The following SUPT20H variants were observed in gnomAD, a reference collection of about 807,000 sequenced individuals.
The protein encoded by SUPT20H is SPT20 homolog, SAGA complex component.
A neutral mutation model predicts 122.8 loss-of-function variants in SUPT20H; 82 were observed. The observed-to-expected ratio is 0.67, with a 90% CI of 0.56 to 0.80. The LOEUF (loss-of-function observed/expected upper bound fraction) is 0.80. SUPT20H is among the 30% of genes least tolerant of loss of function. The probability of loss-of-function intolerance (pLI) is 0.00; values close to 1 mark genes in which losing one functional copy is unlikely to be tolerated. For missense variants in SUPT20H, 831 were observed against 921.6 expected (o/e 0.90, Z 1.27); for synonymous variants, 291 against 313.0 (o/e 0.93, Z 0.74).
chr13:37,052,200 C>T (rs1019459760), intron 1 of SUPT20H, among the ~76,000 whole-genome samples: 1 of 152,034 alleles, frequency 6.6e-6, no homozygotes, highest in Non-Finnish European at 1.5e-5. Flanking sequence ...TCATGTGGAA[C>T]CAAAAAAGAG....
At chr13:37,021,143 CT>C (rs2061409512) in intron 21 of SUPT20H, among the ~76,000 whole-genome samples, 1 of 152,164 alleles carries the variant, frequency 6.6e-6, no homozygotes, top group African/African-American at 2.4e-5. Flanking sequence ...TCAAAATACA[CT>C]TATTTTCCCT....
chr13:37,028,149 G>A lies in SUPT20H; in HGVS notation c.1150C>T (p.His384Tyr), dbSNP rs764131619. ...TTACTTGTATTTAACAGAACTCACT[G>A]TGATGGAGACATCTGGCTGTCACTT... ...EESDSQMSPSHSSTDDHSNWF... is the reference protein window; with the variant it reads ...EESDSQMSPSYSSTDDHSNWF... Residue 384 changes from histidine (H) to tyrosine (Y), a missense_variant and splice_region_variant, in exon 14 of 26, where the codon CAC (histidine) becomes TAC (tyrosine). Transcript: ENST00000350612. 6.3e-7 allele frequency: 1 copy of A among 1,598,400 alleles called. No homozygotes were observed. The highest frequency in any genetic ancestry group is 1.4e-5 in the African/African-American group (1 of 73,678).
At chr13:37,057,397 C>A (rs1298589904) in intron 1 of SUPT20H, among the ~76,000 whole-genome samples, 1 of 151,950 alleles carries the variant, frequency 6.6e-6, no homozygotes, top group Non-Finnish European at 1.5e-5. Flanking sequence ...TTCATGTAAC[C>A]ACTACTGGGT....
chr13:37,054,545 G>A lies in SUPT20H; in HGVS notation c.-93-2962C>T, dbSNP rs142993142. Reference sequence around the variant, plus strand: ...CGATTATCTCAATAGATGCAGAAAAGGCCTTTGACGAAATTCAACAACGCT... The same window carrying A: ...CGATTATCTCAATAGATGCAGAAAAAGCCTTTGACGAAATTCAACAACGCT... On this transcript the variant is annotated intron_variant, in intron 1 of 25. Coordinates refer to ENST00000350612, the MANE Select transcript of SUPT20H (RefSeq NM_001014286.3). Among the ~76,000 whole-genome samples the A allele has an allele frequency of 4.0e-3, 603 of 152,256 alleles. 3 individuals carry two copies. The highest frequency in any genetic ancestry group is 0.014 in the African/African-American group (575 of 41,538).
rs752605988 is a variant in SUPT20H, at chr13:37,017,297, G to C, written c.1940C>G (p.Pro647Arg). ...AGTTGTGGGCTGCTGAGGTTGTTGT[G>C]GTGTAAACTGGGAGAGCTGCTGTTG... is the stretch of plus-strand genomic sequence containing the variant. ...QQQQQLSQFT[P>R]QQPQQPTTCS... The change falls in exon 23 of 26, where the codon CCA (proline) becomes CGA (arginine). Residue 647 changes from proline (P) to arginine (R), a missense_variant. Coordinates refer to ENST00000350612, the MANE Select transcript of SUPT20H (RefSeq NM_001014286.3). 5.6e-6 allele frequency: 9 copies of C among 1,613,936 alleles called. No homozygotes were observed. In the East Asian group the frequency reaches 1.8e-4, roughly 32 times the overall value.
intron 21 of SUPT20H, 86 bp from the exon 22 acceptor site, chr13:37,019,483 T>G: frequency 2.3e-6 from 2 of 866,418 alleles, no homozygotes. Context: ...ATAAGTACAA[T>G]AATTTTATGT....
Position 37,012,188 on chromosome 13 carries a change from C to A in SUPT20H, c.2098+4G>T. The A allele has an allele frequency of 6.2e-7, 1 of 1,608,586 alleles. No individual in the cohort carries two copies. Among genetic ancestry groups the A allele is most frequent in the Non-Finnish European group, 8.5e-7 (1 of 1,175,650 alleles). On this transcript the variant is annotated splice_donor_region_variant and intron_variant, in intron 24 of 25. Transcript: ENST00000350612. ...TCAGCATATAAAGTTATGAAGATAC[C>A]TACCAGCTGCCTGTGACTGCATAAA...
At chr13:37,031,644 T>C (rs1026814688) in intron 11 of SUPT20H, 21 bp from the exon 12 acceptor site, 7 of 1,552,940 alleles carry the variant, frequency 4.5e-6, no homozygotes, top group South Asian at 1.3e-5. Flanking sequence ...AAAAACAATA[T>C]ACTGAAAAAT....
rs2139662027 is a variant in SUPT20H at position 37,025,236 on chromosome 13, C to T, written c.1329+84G>A. On this transcript the variant is annotated intron_variant, in intron 17 of 25. Transcript: ENST00000350612. ...GGATTACAGGCATGAGCCACTGTGCCTAGCCTCCAAAAATGATTCTTAACA... is the reference window on the plus strand; with the variant it reads ...GGATTACAGGCATGAGCCACTGTGCTTAGCCTCCAAAAATGATTCTTAACA... 2.5e-6 allele frequency: 3 copies of T among 1,214,590 alleles called. 1 individual carries two copies. The African/African-American group carries it at 4.5e-5, about 18-fold the overall frequency. The allele number at this position is 1,214,590 out of a possible 1,614,324, so 75.2% of individuals were successfully genotyped here. A position where few individuals can be genotyped will look rare whatever the true frequency, so the allele number is the denominator to read the frequency against.
rs1415704007 is a variant in SUPT20H at position 37,028,134 on chromosome 13, T to C, written c.1151+14A>G. On this transcript the variant is annotated intron_variant, in intron 14 of 25. Coordinates refer to ENST00000350612, the MANE Select transcript of SUPT20H (RefSeq NM_001014286.3). ...TTTTTTTTTTTCCAGTTACTTGTAT[T>C]TAACAGAACTCACTGTGATGGAGAC... The C allele has an allele frequency of 1.3e-6, 2 of 1,558,394 alleles. No homozygotes were observed. The highest frequency in any genetic ancestry group is 2.8e-5 in the African/African-American group (2 of 71,564).
At chr13:37,048,629 T>C in intron 2 of SUPT20H, 30 bp from the exon 3 acceptor site, 1 of 1,572,556 alleles carries the variant, frequency 6.4e-7, no homozygotes, top group Non-Finnish European at 8.6e-7. Flanking sequence ...TATTTGGTAA[T>C]ATTAGTTATT....
chr13:37,051,022 G>A (rs1363699295), intron 2 of SUPT20H, among the ~76,000 whole-genome samples: 2 of 152,142 alleles, frequency 1.3e-5, no homozygotes, highest in Non-Finnish European at 2.9e-5. Flanking sequence ...TATGTTTAGT[G>A]ACTGTAAGTC....
At chr13:37,038,635 T>C (rs1379286023) in intron 9 of SUPT20H, 2 of 152,370 alleles carry the variant, frequency 1.3e-5, no homozygotes, top group African/African-American at 4.8e-5. Flanking sequence ...TTAGTAATTA[T>C]TCCTCACTAT....
intron 9 of SUPT20H, among the ~76,000 whole-genome samples, chr13:37,035,222 G>A (rs1477494970): frequency 1.3e-5 from 2 of 152,118 alleles, no homozygotes; most frequent in African/African-American, 4.8e-5. Context: ...GATGGATCTG[G>A]GCAAAGTAAA....
rs115221322 is a variant in SUPT20H at position 37,022,900 on chromosome 13, T to C, written c.1592-820A>G. The C allele has an allele frequency of 7.6e-4, 852 of 1,126,292 alleles. 3 individuals carry two copies. The African/African-American group carries it at 8.5e-3, about 11-fold the overall frequency. The allele number at this position is 1,126,292 out of a possible 1,614,324, so 69.8% of individuals were successfully genotyped here. On this transcript the variant is annotated intron_variant, in intron 19 of 25. Coordinates refer to ENST00000350612, the MANE Select transcript of SUPT20H (RefSeq NM_001014286.3). This position sits in a 1 kb window ranked among gnomAD's most constrained non-coding sequence, Gnocchi z 4.5. ...ATCTTTAACAGTAACTGTGTACTTC[T>C]GTTTAAATGTAGAATGTATAGAAAA...
intron 9 of SUPT20H, chr13:37,039,254 G>C (rs775204878): frequency 1.3e-5 from 2 of 152,098 alleles, no homozygotes; most frequent in African/African-American, 2.4e-5. Flanking sequence ...ACTGCATCCC[G>C]ATCAGCTGCA....
intron 1 of SUPT20H, among the ~76,000 whole-genome samples, chr13:37,053,280 C>T (rs147858867): frequency 6.6e-6 from 1 of 152,216 alleles, no homozygotes; most frequent in African/African-American, 2.4e-5. Flanking sequence ...ACCCAAATGC[C>T]CACCAATGAT....
chr13:37,052,326 C>T (rs1594559330), intron 1 of SUPT20H, among the ~76,000 whole-genome samples: 1 of 152,138 alleles, frequency 6.6e-6, no homozygotes, highest in Non-Finnish European at 1.5e-5. Context: ...GGTACCAAAA[C>T]AGATATACAG....
chr13:37,025,008 C>G, intron 17 of SUPT20H: 2 of 310,330 alleles, frequency 6.4e-6, no homozygotes, highest in Non-Finnish European at 1.2e-5. Flanking sequence ...GTGGCGCTAT[C>G]TCGGCTCACT....
Sources: allele counts gnomAD v4.1 joint callset (sites outside exome capture counted in the v4.1 genomes callset), GRCh38; gene constraint gnomAD v4.1.1; non-coding constraint Gnocchi (gnomAD v3.1); transcripts MANE v1.5; gene names NCBI Gene and HGNC (gene_info 2026-07-23, HGNC 2026-07-21).